LRMDA: variants seen among roughly 807,000 people sequenced by gnomAD.
LRMDA encodes the protein leucine-rich melanocyte differentiation-associated protein.
Under a neutral mutation model 29.8 loss-of-function variants are expected in LRMDA, and 18 were observed. That is an observed-to-expected ratio of 0.60 (90% CI 0.42 to 0.90). The LOEUF (loss-of-function observed/expected upper bound fraction) is 0.90, where lower values mean the gene tolerates loss of function less well. LRMDA is among the 40% of genes least tolerant of loss of function. The pLI is 0.00. For synonymous variants in LRMDA, 125 were observed against 109.4 expected, an observed-to-expected ratio of 1.14 and a Z score of -0.89; for missense variants, 273 against 273.9, an observed-to-expected ratio of 1.00 and a Z score of 0.02.
At chr10:75,518,315 G>T (rs1845317312) in intron 2 of LRMDA, among the ~76,000 whole-genome samples, 1 of 152,164 alleles carries the variant, frequency 6.6e-6, no homozygotes, top group African/African-American at 2.4e-5. Flanking sequence ...GAATTTGGCT[G>T]TGAATCCGTC....
intron 6 of LRMDA, among the ~76,000 whole-genome samples, chr10:76,498,575 T>C (rs765428633): frequency 1.3e-5 from 1 of 76,418 alleles, no homozygotes; most frequent in Non-Finnish European, 4.4e-5. Context: ...TTTTGTCAGC[T>C]GGGTCAATCC....
chr10:75,656,582 C>T (rs1841678193), intron 2 of LRMDA, among the ~76,000 whole-genome samples: 1 of 152,086 alleles, frequency 6.6e-6, no homozygotes, highest in African/African-American at 2.4e-5. Context: ...CTCCCCAAGC[C>T]CCTGTTTGTC....
chr10:76,537,059 A>G (rs532396653), intron 6 of LRMDA, among the ~76,000 whole-genome samples: 9 of 152,374 alleles, frequency 5.9e-5, no homozygotes, highest in South Asian at 4.1e-4. Flanking sequence ...TTAAAAAATC[A>G]AATGTATCAA....
chr10:75,670,936 G>A (rs759570507), intron 2 of LRMDA, among the ~76,000 whole-genome samples: 28 of 152,020 alleles, frequency 1.8e-4, no homozygotes, highest in Admixed American at 6.5e-5. Context: ...CAGTCTGCAC[G>A]ATCTCTCTTC....
chr10:76,157,434 G>A (rs1850558137), intron 5 of LRMDA, among the ~76,000 whole-genome samples: 2 of 152,022 alleles, frequency 1.3e-5, no homozygotes, highest in South Asian at 4.1e-4. Flanking sequence ...AACATAGCCA[G>A]ACCCTGTTGC....
chr10:75,539,485 C>A (rs768575016), intron 2 of LRMDA, among the ~76,000 whole-genome samples: 2 of 152,112 alleles, frequency 1.3e-5, no homozygotes, highest in African/African-American at 2.4e-5. Flanking sequence ...GTCATGAATA[C>A]CTTAGACTGA....
chr10:76,113,007 C>T (rs1849606921), intron 5 of LRMDA, among the ~76,000 whole-genome samples: 2 of 152,210 alleles, frequency 1.3e-5, no homozygotes, highest in South Asian at 4.1e-4. Context: ...CAAGAAGTTT[C>T]CAAACCAGAG....
At chr10:76,128,955 C>T (rs1849936458) in intron 5 of LRMDA, among the ~76,000 whole-genome samples, 1 of 152,186 alleles carries the variant, frequency 6.6e-6, no homozygotes, top group Non-Finnish European at 1.5e-5. Flanking sequence ...CAATTGGAGA[C>T]TTATCTATCC....
chr10:75,877,643 T>G (rs1383179504), intron 2 of LRMDA, among the ~76,000 whole-genome samples: 1 of 152,196 alleles, frequency 6.6e-6, no homozygotes, highest in East Asian at 1.9e-4. Context: ...GCAAACTAGC[T>G]TAGAGGATAA....
intron 2 of LRMDA, among the ~76,000 whole-genome samples, chr10:75,625,604 C>A (rs1271701849): frequency 6.6e-6 from 1 of 152,104 alleles, no homozygotes; most frequent in African/African-American, 2.4e-5. Flanking sequence ...CTTTGTTCAT[C>A]TTCTGTCTCT....
chr10:76,449,256 T>C (rs565950014), intron 6 of LRMDA, among the ~76,000 whole-genome samples: 2 of 152,008 alleles, frequency 1.3e-5, no homozygotes, highest in South Asian at 4.1e-4. Flanking sequence ...CTGACAATTG[T>C]ATAATATTTT....
chr10:76,364,079 A>T (rs1841361310), intron 6 of LRMDA, among the ~76,000 whole-genome samples: 1 of 152,172 alleles, frequency 6.6e-6, no homozygotes, highest in African/African-American at 2.4e-5. Context: ...AAACTCTAAG[A>T]GCTGGAGATA....
chr10:75,654,552 T>C (rs1452358538), intron 2 of LRMDA, among the ~76,000 whole-genome samples: 1 of 152,238 alleles, frequency 6.6e-6, no homozygotes, highest in African/African-American at 2.4e-5. Context: ...GTTTGGCTCT[T>C]GTCCTCTCCC....
chr10:76,382,570 T>C (rs1194937131), intron 6 of LRMDA, among the ~76,000 whole-genome samples: 2 of 152,172 alleles, frequency 1.3e-5, no homozygotes, highest in African/African-American at 4.8e-5. Flanking sequence ...TTCCTCAGAT[T>C]CTCAAAGCCA....
intron 2 of LRMDA, among the ~76,000 whole-genome samples, chr10:75,692,578 TGTG>T: frequency 7.4e-6 from 1 of 135,604 alleles, no homozygotes; most frequent in Non-Finnish European, 1.5e-5. Flanking sequence ...TGTGTGTGTG[TGTG>T]TGTGTGTGTG....
At chr10:76,306,582 T>G (rs780470814) in intron 5 of LRMDA, among the ~76,000 whole-genome samples, 2 of 152,306 alleles carry the variant, frequency 1.3e-5, no homozygotes, top group Middle Eastern at 3.4e-3. Flanking sequence ...CCTGGAGGCT[T>G]GGATATATTC....
At chr10:75,688,721 C>T (rs182328034) in intron 2 of LRMDA, among the ~76,000 whole-genome samples, 3 of 152,216 alleles carry the variant, frequency 2.0e-5, no homozygotes, top group Non-Finnish European at 4.4e-5. Flanking sequence ...AGAACTCTTT[C>T]GTGAAAGGAA....
At chr10:75,777,788 T>C (rs1843332017) in intron 2 of LRMDA, among the ~76,000 whole-genome samples, 1 of 152,108 alleles carries the variant, frequency 6.6e-6, no homozygotes, top group African/African-American at 2.4e-5. Flanking sequence ...GAACACATGT[T>C]GTGGTCATGA....
At chr10:75,465,401 T>C (rs1242103949) in intron 2 of LRMDA, among the ~76,000 whole-genome samples, 2 of 152,234 alleles carry the variant, frequency 1.3e-5, no homozygotes, top group African/African-American at 2.4e-5. Context: ...GGTCTGTGCA[T>C]GCAGACACAG....
Sources: allele counts gnomAD v4.1 joint callset (sites outside exome capture counted in the v4.1 genomes callset), GRCh38; gene constraint gnomAD v4.1.1; transcripts MANE v1.5; gene names NCBI Gene and HGNC (gene_info 2026-07-23, HGNC 2026-07-21).